MAP3K20: variants seen among roughly 807,000 people sequenced by gnomAD.
MAP3K20 encodes the protein HCCS-4.
MAP3K20 carries 40 observed loss-of-function variants against 85.7 expected under a neutral mutation model. That is an observed-to-expected ratio of 0.47 (90% CI 0.36 to 0.61). MAP3K20 has a LOEUF of 0.61. Among genes scored for constraint, MAP3K20 ranks in the 20% least tolerant of loss-of-function variants. The pLI is 0.00. For missense variants in MAP3K20, 817 were observed against 961.7 expected (o/e 0.85, Z 1.99); for synonymous variants, 325 against 327.7 (o/e 0.99, Z 0.09).
chr2:173,123,398 CTG>C, intron 2 of MAP3K20, among the ~76,000 whole-genome samples: 1 of 152,290 alleles, frequency 6.6e-6, no homozygotes, highest in South Asian at 2.1e-4. Flanking sequence ...GTTTTTGAGT[CTG>C]TAAGCCATTT....
chr2:173,099,267 T>A (rs573079457), intron 2 of MAP3K20, among the ~76,000 whole-genome samples: 8 of 143,366 alleles, frequency 5.6e-5, no homozygotes, highest in Admixed American at 4.3e-4. Flanking sequence ...CCGGCCTTTT[T>A]TTTTTCTTCC....
At chr2:173,221,140 CTT>C (rs894872584) in intron 11 of MAP3K20, 12 of 1,477,176 alleles carry the variant, frequency 8.1e-6, no homozygotes, top group Non-Finnish European at 1.1e-5. Flanking sequence ...CCTTTCTTCC[CTT>C]TTGATAGCTT....
intron 1 of MAP3K20, among the ~76,000 whole-genome samples, chr2:173,088,227 G>A (rs935805971): frequency 6.6e-6 from 1 of 152,084 alleles, no homozygotes; most frequent in Non-Finnish European, 1.5e-5. Flanking sequence ...GAATCCAAAC[G>A]TTATCCAAGA....
At chr2:173,160,717 C>G (rs1403592460) in intron 2 of MAP3K20, among the ~76,000 whole-genome samples, 1 of 152,156 alleles carries the variant, frequency 6.6e-6, no homozygotes, top group Non-Finnish European at 1.5e-5. Flanking sequence ...TTTCTCCTTG[C>G]GTTCACATTC....
intron 1 of MAP3K20, chr2:173,090,474 T>G: frequency 3.7e-5 from 5 of 135,900 alleles, no homozygotes; most frequent in Non-Finnish European, 3.3e-5. Flanking sequence ...GAAAGTTTGT[T>G]TTTGGAGTCA....
chr2:173,144,026 A>G (rs1574053360), intron 2 of MAP3K20, among the ~76,000 whole-genome samples: 2 of 152,242 alleles, frequency 1.3e-5, no homozygotes, highest in East Asian at 3.9e-4. Flanking sequence ...ATAGGCATGT[A>G]TAATCATGCC....
intron 2 of MAP3K20, among the ~76,000 whole-genome samples, chr2:173,144,696 TCAAA>T (rs1434399280): frequency 1.3e-5 from 2 of 151,814 alleles, no homozygotes; most frequent in African/African-American, 4.8e-5. Context: ...AGACCCTATC[TCAAA>T]CAAAAAAGAC....
At chr2:173,170,420 G>C (rs1028393805) in intron 3 of MAP3K20, among the ~76,000 whole-genome samples, 5 of 152,138 alleles carry the variant, frequency 3.3e-5, no homozygotes, top group Non-Finnish European at 7.4e-5. Context: ...ACAGAAATAC[G>C]CTTTCTAAAA....
chr2:173,209,225 A>G (rs77473896), intron 9 of MAP3K20, among the ~76,000 whole-genome samples: 1,763 of 152,304 alleles, frequency 0.012, 24 homozygotes, highest in South Asian at 0.035. Flanking sequence ...TGACAAACCA[A>G]TTTGGAAAAT....
chr2:173,086,132 G>A (rs1559224764), intron 1 of MAP3K20, among the ~76,000 whole-genome samples: 1 of 151,738 alleles, frequency 6.6e-6, no homozygotes, highest in African/African-American at 2.4e-5. Context: ...TGAAAACGTT[G>A]GATTTGATTT....
chr2:173,094,857 T>C (rs1355138840), intron 2 of MAP3K20, among the ~76,000 whole-genome samples: 1 of 152,228 alleles, frequency 6.6e-6, no homozygotes, highest in Non-Finnish European at 1.5e-5. Context: ...AGAAAATACC[T>C]ATTTTTCCTT....
chr2:173,173,435 C>T (rs1403362375), intron 3 of MAP3K20, among the ~76,000 whole-genome samples: 2 of 152,122 alleles, frequency 1.3e-5, no homozygotes, highest in Non-Finnish European at 2.9e-5. Context: ...AGGGGCTGAT[C>T]TCTTAAGTTA....
intron 5 of MAP3K20, 49 bp downstream of exon 5, chr2:173,187,672 C>A (rs767408002): frequency 1.4e-6 from 2 of 1,477,348 alleles, no homozygotes; most frequent in Admixed American, 1.9e-5. Flanking sequence ...AAATTACATA[C>A]ACTTGCATGT....
chr2:173,252,373 G>C (rs1329394363), intron 16 of MAP3K20, among the ~76,000 whole-genome samples: 1 of 152,116 alleles, frequency 6.6e-6, no homozygotes, highest in Non-Finnish European at 1.5e-5. Context: ...TTTTCACTTG[G>C]TGATCCTGAA....
At chr2:173,136,823 A>C (rs529633121) in intron 2 of MAP3K20, among the ~76,000 whole-genome samples, 1 of 152,336 alleles carries the variant, frequency 6.6e-6, no homozygotes, top group East Asian at 1.9e-4. Flanking sequence ...AGTTTGCATA[A>C]AAGCTCACAT....
At chr2:173,213,881 T>TATC (rs1361702900) in intron 10 of MAP3K20, among the ~76,000 whole-genome samples, 1 of 152,244 alleles carries the variant, frequency 6.6e-6, no homozygotes, top group African/African-American at 2.4e-5. Context: ...TATATGTTTT[T>TATC]ATCAGATAAT....
At chr2:173,149,246 T>G (rs1689226420) in intron 2 of MAP3K20, among the ~76,000 whole-genome samples, 1 of 152,208 alleles carries the variant, frequency 6.6e-6, no homozygotes, top group African/African-American at 2.4e-5. Context: ...ATTTATTTGA[T>G]TCTTATAAAA....
intron 3 of MAP3K20, among the ~76,000 whole-genome samples, chr2:173,173,154 CTGTGTGTGTG>C (rs57836780): frequency 0.072 from 10,031 of 138,520 alleles, 743 homozygotes; most frequent in East Asian, 0.46. Context: ...TCTTTTATTT[CTGTGTGTGTG>C]TGTGTGTGTG....
chr2:173,116,821 C>T (rs539434579), intron 2 of MAP3K20, among the ~76,000 whole-genome samples: 20 of 152,342 alleles, frequency 1.3e-4, no homozygotes, highest in Middle Eastern at 6.8e-3. Context: ...GGCATGCCTG[C>T]GCTTCCCTTC....
Sources: allele counts gnomAD v4.1 joint callset (sites outside exome capture counted in the v4.1 genomes callset), GRCh38; gene constraint gnomAD v4.1.1; transcripts MANE v1.5; gene names NCBI Gene and HGNC (gene_info 2026-07-23, HGNC 2026-07-21).